The following PDGFD variants were observed in gnomAD, a reference collection of about 807,000 sequenced individuals.
PDGFD encodes the protein platelet derived growth factor D.
In PDGFD, 30 loss-of-function variants were observed where a neutral mutation model predicts 44.7. That is an observed-to-expected ratio of 0.67 (90% CI 0.50 to 0.91). PDGFD has a LOEUF of 0.91. Among genes scored for constraint, PDGFD ranks in the 40% least tolerant of loss-of-function variants. The pLI is 0.00. For synonymous variants in PDGFD, 173 were observed against 168.4 expected (o/e 1.03, Z -0.21); for missense variants, 445 against 457.8 (o/e 0.97, Z 0.25).
chr11:104,060,844 G>C (rs1197099723), intron 1 of PDGFD, among the ~76,000 whole-genome samples: 2 of 152,142 alleles, frequency 1.3e-5, no homozygotes, highest in African/African-American at 2.4e-5. Flanking sequence ...AAAAACTGGA[G>C]TAAAATATAC....
intron 1 of PDGFD, among the ~76,000 whole-genome samples, chr11:104,025,808 T>C (rs1393093991): frequency 1.3e-5 from 2 of 152,192 alleles, no homozygotes; most frequent in African/African-American, 4.8e-5. Context: ...AGAACCACAG[T>C]GCTGTTTGCT....
At chr11:103,968,086 G>T (rs762861507) in intron 3 of PDGFD, among the ~76,000 whole-genome samples, 2 of 152,094 alleles carry the variant, frequency 1.3e-5, no homozygotes, top group African/African-American at 2.4e-5. Context: ...CGTTAACATT[G>T]TTGATGACTC....
At chr11:103,940,748 G>C (rs913891762) in intron 5 of PDGFD, among the ~76,000 whole-genome samples, 1 of 152,124 alleles carries the variant, frequency 6.6e-6, no homozygotes, top group Non-Finnish European at 1.5e-5. Flanking sequence ...AGCAGAGACA[G>C]TGGTGACTTG....
At chr11:104,084,493 G>A (rs896635656) in intron 1 of PDGFD, among the ~76,000 whole-genome samples, 3 of 151,962 alleles carry the variant, frequency 2.0e-5, no homozygotes, top group Admixed American at 2.0e-4. Flanking sequence ...AATGTAATTA[G>A]CAGAGGGAAG....
At chr11:103,999,020 C>G (rs1395109556) in intron 2 of PDGFD, among the ~76,000 whole-genome samples, 1 of 152,016 alleles carries the variant, frequency 6.6e-6, no homozygotes, top group East Asian at 1.9e-4. Context: ...GACGCAAGAT[C>G]AGCATTAGTT....
At chr11:104,066,934 G>A (rs1860798797) in intron 1 of PDGFD, among the ~76,000 whole-genome samples, 1 of 152,108 alleles carries the variant, frequency 6.6e-6, no homozygotes, top group African/African-American at 2.4e-5. Context: ...TCCACCCTAA[G>A]TCATATATTT....
intron 3 of PDGFD, among the ~76,000 whole-genome samples, chr11:103,991,019 G>C (rs1335118151): frequency 6.6e-6 from 1 of 151,840 alleles, no homozygotes; most frequent in Non-Finnish European, 1.5e-5. Flanking sequence ...GGTGCCTGTA[G>C]TCCCAGCTAC....
At chr11:104,001,529 G>C (rs1270532045) in intron 1 of PDGFD, among the ~76,000 whole-genome samples, 3 of 152,200 alleles carry the variant, frequency 2.0e-5, no homozygotes, top group Non-Finnish European at 2.9e-5. Context: ...CCCCAAACTT[G>C]CAGCTGATGT....
intron 1 of PDGFD, among the ~76,000 whole-genome samples, chr11:104,094,644 T>C (rs1861257747): frequency 6.6e-6 from 1 of 152,176 alleles, no homozygotes; most frequent in Admixed American, 6.6e-5. Context: ...CCATTCATTC[T>C]GTTATCTATA....
intron 1 of PDGFD, among the ~76,000 whole-genome samples, chr11:104,105,334 C>G (rs993929566): frequency 2.0e-5 from 3 of 152,116 alleles, no homozygotes; most frequent in Admixed American, 6.6e-5. Context: ...GTTTTGTTAA[C>G]AACTAGTGTT....
chr11:104,155,167 A>G (rs977432073), intron 1 of PDGFD, among the ~76,000 whole-genome samples: 1 of 152,210 alleles, frequency 6.6e-6, no homozygotes, highest in African/African-American at 2.4e-5. Flanking sequence ...ATTTTCTTCA[A>G]GGTTTCTGTA....
At chr11:103,987,921 T>C (rs1158179334) in intron 3 of PDGFD, among the ~76,000 whole-genome samples, 2 of 152,182 alleles carry the variant, frequency 1.3e-5, no homozygotes, top group African/African-American at 4.8e-5. Context: ...TCCATGCACA[T>C]TTTATCACTG....
intron 3 of PDGFD, among the ~76,000 whole-genome samples, chr11:103,983,154 C>T (rs1034856571): frequency 1.3e-5 from 2 of 151,820 alleles, no homozygotes; most frequent in African/African-American, 4.9e-5. Context: ...CATCACACAA[C>T]CTGACTTCAA....
At position 103,939,055 on chromosome 11, in the gene PDGFD, C is replaced by T. The variant is rs904184656; in HGVS notation, c.772+4397G>A. 2.0e-3 allele frequency among the ~76,000 whole-genome samples: 298 copies of T among 152,072 alleles called. 1 individual carries two copies. The highest frequency in any genetic ancestry group is 0.017 in the Middle Eastern group (5 of 294). On this transcript the variant is annotated intron_variant, in intron 5 of 6. Transcript: ENST00000393158. ...CGATGTGGGCTCTTTTTTGGTTCCA[C>T]ATGAACTTTAAAGTAGTTTTTTCCA... is the stretch of plus-strand genomic sequence containing the variant.
In PDGFD at chr11:103,907,502, T is replaced by A. The variant is rs955189575; in HGVS notation, c.*2192A>T. Reference sequence around the variant, plus strand: ...TGTTAGAAGTGCAAAAGATAACAGGTAACCAAGGGAGAAGTTTTAATAAAA... The same window carrying A: ...TGTTAGAAGTGCAAAAGATAACAGGAAACCAAGGGAGAAGTTTTAATAAAA... On this transcript the variant is annotated 3_prime_UTR_variant, in exon 7 of 7. Coordinates refer to ENST00000393158, the MANE Select transcript of PDGFD (RefSeq NM_025208.5). 2.0e-5 allele frequency: 3 copies of A among 152,208 alleles called. No homozygotes were observed. Among genetic ancestry groups the A allele is most frequent in the Non-Finnish European group, 2.9e-5 (2 of 68,032 alleles). 9.4% of individuals were successfully genotyped at this position (152,208 alleles called of 1,614,324 possible). A position where few individuals can be genotyped will look rare whatever the true frequency, so the allele number is the denominator to read the frequency against.
intron 1 of PDGFD, among the ~76,000 whole-genome samples, chr11:104,146,724 T>C (rs1047815410): frequency 2.6e-5 from 4 of 152,176 alleles, no homozygotes; most frequent in African/African-American, 9.7e-5. Flanking sequence ...CCTCCTGCTA[T>C]GAGTTGGAGC....
At chr11:104,034,944 A>T (rs1398279425) in intron 1 of PDGFD, among the ~76,000 whole-genome samples, 1 of 152,156 alleles carries the variant, frequency 6.6e-6, no homozygotes, top group Non-Finnish European at 1.5e-5. Flanking sequence ...GCCAGGCAGC[A>T]AAACACTTTA....
chr11:104,082,137 C>T (rs5027114), intron 1 of PDGFD, among the ~76,000 whole-genome samples: 41,138 of 114,282 alleles, frequency 0.36, 9,433 homozygotes, highest in African/African-American at 0.55. Flanking sequence ...TACATACATA[C>T]ATATATATAT....
chr11:104,000,397 C>A, intron 1 of PDGFD, 142 bp from the exon 2 acceptor site: 1 of 723,982 alleles, frequency 1.4e-6, no homozygotes, highest in South Asian at 1.9e-5. Context: ...TGCAAATAAA[C>A]AAACTTTTTT....
Sources: allele counts gnomAD v4.1 joint callset (sites outside exome capture counted in the v4.1 genomes callset), GRCh38; gene constraint gnomAD v4.1.1; transcripts MANE v1.5; gene names NCBI Gene and HGNC (gene_info 2026-07-23, HGNC 2026-07-21).